Variants in ARHGAP22 observed in about 807,000 individuals in gnomAD.
ARHGAP22 encodes the protein Rho GTPase activating protein 22.
In ARHGAP22, 48 loss-of-function variants were observed where a neutral mutation model predicts 59.1. The observed-to-expected ratio is 0.81, with a 90% CI of 0.64 to 1.03. The LOEUF is 1.03. Among genes scored for constraint, ARHGAP22 ranks in the 50% least tolerant of loss-of-function variants. The probability of loss-of-function intolerance (pLI) is 0.00; values close to 1 mark genes in which losing one functional copy is unlikely to be tolerated. For missense variants in ARHGAP22, 1,015 were observed against 958.7 expected (o/e 1.06, Z -0.78); for synonymous variants, 445 against 416.4 (o/e 1.07, Z -0.84).
At position 48,461,132 on chromosome 10, in the gene ARHGAP22, T is replaced by C. The variant is rs183722938; in HGVS notation, c.452-1241A>G. Among the ~76,000 whole-genome samples the C allele has an allele frequency of 1.2e-3, 184 of 152,212 alleles. 1 individual carries two copies. The highest frequency in any genetic ancestry group is 4.2e-3 in the African/African-American group (174 of 41,514). ...GTGCTTTAAAAATGAAGACAGGAAA[T>C]TTTATGCTAAGTGTATTTTATGAAA... is the stretch of plus-strand genomic sequence containing the variant. On this transcript the variant is annotated intron_variant, in intron 4 of 9. Coordinates refer to ENST00000249601, the MANE Select transcript of ARHGAP22 (RefSeq NM_021226.4).
chr10:48,555,480 A>G lies in ARHGAP22; in HGVS notation c.305T>C (p.Leu102Pro), dbSNP rs568419648. 7 of 1,613,994 alleles carry G rather than the reference A, an allele frequency of 4.3e-6. No homozygotes were observed. The South Asian group carries it at 6.6e-5, about 15-fold the overall frequency. Reference protein sequence around the residue: ...PPGPEDPGKHLFEISPGGAGE... With the variant: ...PPGPEDPGKHPFEISPGGAGE... ...AGGCCTACCTGGGCTGATCTCAAAG[A>G]GGTGCTTCCCTGGGTCCTCGGGGCC... Residue 102 changes from leucine to proline, a missense_variant, in exon 3 of 10, where the codon CTC becomes CCC. By Grantham distance (98) the Leu-to-Pro change is moderately conservative. Transcript: ENST00000249601.
At chr10:48,547,398 G>T (rs1159096427) in intron 3 of ARHGAP22, among the ~76,000 whole-genome samples, 1 of 152,248 alleles carries the variant, frequency 6.6e-6, no homozygotes, top group Non-Finnish European at 1.5e-5. Context: ...TTCCCATCTG[G>T]TGTTTGGGGA....
chr10:48,613,715 C>T (rs565480235), intron 1 of ARHGAP22, among the ~76,000 whole-genome samples: 28 of 150,994 alleles, frequency 1.9e-4, no homozygotes, highest in African/African-American at 6.6e-4. Flanking sequence ...CAGGACCAAA[C>T]TATGAGAACC....
chr10:48,613,781 T>C (rs1302091241), intron 1 of ARHGAP22, among the ~76,000 whole-genome samples: 1 of 152,198 alleles, frequency 6.6e-6, no homozygotes, highest in African/African-American at 2.4e-5. Flanking sequence ...GGAAGTGCTA[T>C]GGTTTGAGTG....
upstream of ARHGAP22, chr10:48,655,421 C>A: frequency 6.6e-6 from 1 of 152,468 alleles, no homozygotes. Flanking sequence ...TTCTGCCCAC[C>A]AGCTGGAGGA....
intron 3 of ARHGAP22, among the ~76,000 whole-genome samples, chr10:48,481,189 G>A (rs2049282162): frequency 6.6e-6 from 1 of 152,260 alleles, no homozygotes; most frequent in Non-Finnish European, 1.5e-5. Context: ...CCCAGAGGCT[G>A]CTCGGTTGGC....
intron 6 of ARHGAP22, among the ~76,000 whole-genome samples, chr10:48,454,574 C>A (rs1194162746): frequency 2.0e-5 from 3 of 152,200 alleles, no homozygotes; most frequent in Non-Finnish European, 2.9e-5. Flanking sequence ...GGAGGGCTGG[C>A]TCATCTGTCC....
At chr10:48,530,556 TCAAA>T (rs1163140260) in intron 3 of ARHGAP22, among the ~76,000 whole-genome samples, 1 of 151,962 alleles carries the variant, frequency 6.6e-6, no homozygotes, top group East Asian at 1.9e-4. Flanking sequence ...TAAAAAGAAC[TCAAA>T]CAAATCAACA....
intron 3 of ARHGAP22, among the ~76,000 whole-genome samples, chr10:48,534,133 C>T (rs2055127211): frequency 1.3e-5 from 2 of 152,254 alleles, no homozygotes; most frequent in South Asian, 4.1e-4. Flanking sequence ...GGTTCCCCAG[C>T]TCGGGCCAAT....
rs2052906851 is a variant in ARHGAP22, at chr10:48,512,727, G to A, written c.323-32963C>T. On this transcript the variant is annotated intron_variant, in intron 3 of 9. Coordinates refer to ENST00000249601, the MANE Select transcript of ARHGAP22 (RefSeq NM_021226.4). ...CCATCCAAAGGCTGCACAAACAGTA[G>A]ATGGCAGAGCCAGAATTCAGAACCA... is the stretch of plus-strand genomic sequence containing the variant. Among the ~76,000 whole-genome samples, 6 of 152,186 alleles carry A rather than the reference G, an allele frequency of 3.9e-5. No individual in the cohort carries two copies. In the South Asian group the frequency reaches 1.2e-3, roughly 31 times the overall value.
chr10:48,433,476 A>C, the ARHGAP22 span, among the ~76,000 whole-genome samples: 8 of 152,194 alleles, frequency 5.3e-5, no homozygotes, highest in South Asian at 2.1e-4. Context: ...AGAATATACT[A>C]TCTGAATTTC....
intron 1 of ARHGAP22, among the ~76,000 whole-genome samples, chr10:48,649,856 A>C (rs1161844610): frequency 1.3e-5 from 2 of 152,204 alleles, no homozygotes; most frequent in African/African-American, 4.8e-5. Context: ...ATTGTGGACA[A>C]AGTGAAGAAA....
intron 1 of ARHGAP22, among the ~76,000 whole-genome samples, chr10:48,615,054 G>T (rs976414598): frequency 1.6e-4 from 25 of 152,190 alleles, no homozygotes; most frequent in African/African-American, 3.1e-4. Flanking sequence ...TGGAGAAAAG[G>T]CTGGTAAACA....
At chr10:48,577,923 C>T (rs560994857) in intron 2 of ARHGAP22, among the ~76,000 whole-genome samples, 1 of 143,632 alleles carries the variant, frequency 7.0e-6, no homozygotes, top group South Asian at 2.3e-4. Context: ...AGTCTCCTGT[C>T]TCAGCCTCCC....
upstream of ARHGAP22, among the ~76,000 whole-genome samples, chr10:48,608,343 G>A (rs2060753031): frequency 6.6e-6 from 1 of 152,218 alleles, no homozygotes; most frequent in Non-Finnish European, 1.5e-5. Context: ...GAGGTAAGGA[G>A]GCTGAATTTG....
chr10:48,589,992 C>A (rs1465352200), intron 1 of ARHGAP22, among the ~76,000 whole-genome samples: 1 of 152,032 alleles, frequency 6.6e-6, no homozygotes, highest in Admixed American at 6.5e-5. Flanking sequence ...ACCCCACGGG[C>A]ATGTACAATT....
intron 1 of ARHGAP22, among the ~76,000 whole-genome samples, chr10:48,592,765 G>C (rs72785191): frequency 7.2e-5 from 11 of 152,010 alleles, no homozygotes; most frequent in Non-Finnish European, 1.6e-4. Context: ...ACTCCTCCCA[G>C]GGTTCCCCCA....
rs60588861 is a variant in ARHGAP22, at chr10:48,570,555, C to A, written c.234+12398G>T. Among the ~76,000 whole-genome samples, 105 of 152,236 alleles carry A rather than the reference C, an allele frequency of 6.9e-4. 2 individuals carry two copies. The highest frequency in any genetic ancestry group is 2.4e-3 in the African/African-American group (99 of 41,534). ...CTTTTATGCTCAGGTTTGTTTTTTT[C>A]TGAGTGTAGACAGACTGACTGAAAT... On this transcript the variant is annotated intron_variant, in intron 2 of 9. Coordinates refer to ENST00000249601, the MANE Select transcript of ARHGAP22 (RefSeq NM_021226.4).
intron 2 of ARHGAP22, among the ~76,000 whole-genome samples, chr10:48,560,643 T>C (rs1342112270): frequency 1.3e-5 from 2 of 152,178 alleles, no homozygotes; most frequent in African/African-American, 2.4e-5. Flanking sequence ...CAGTTTTCCA[T>C]AGATGGCTTT....
Sources: allele counts gnomAD v4.1 joint callset (sites outside exome capture counted in the v4.1 genomes callset), GRCh38; gene constraint gnomAD v4.1.1; transcripts MANE v1.5; gene names NCBI Gene and HGNC (gene_info 2026-07-23, HGNC 2026-07-21).